The following TTBK2 variants were observed in gnomAD, a reference collection of about 807,000 sequenced individuals.
TTBK2 encodes tau-tubulin kinase 2.
In TTBK2, 28 loss-of-function variants were observed where a neutral mutation model predicts 110.8. The observed-to-expected ratio is 0.25, with a 90% CI of 0.19 to 0.35. The LOEUF (loss-of-function observed/expected upper bound fraction) is 0.35, where lower values mean the gene tolerates loss of function less well. TTBK2 is among the 10% of genes least tolerant of loss of function. The pLI, the probability that TTBK2 is intolerant of heterozygous loss-of-function variation, is 1.00. For synonymous variants in TTBK2, 532 were observed against 527.3 expected, an observed-to-expected ratio of 1.01 and a Z score of -0.12; for missense variants, 1,369 against 1,500.3, an observed-to-expected ratio of 0.91 and a Z score of 1.45.
chr15:42,777,718 A>T (rs956288909), intron 11 of TTBK2, among the ~76,000 whole-genome samples: 1 of 152,234 alleles, frequency 6.6e-6, no homozygotes, highest in Non-Finnish European at 1.5e-5. Context: ...ACTACTAAGG[A>T]GCTGAGGCAG....
At chr15:42,813,567 G>A (rs919692685) in intron 7 of TTBK2, among the ~76,000 whole-genome samples, 1 of 151,808 alleles carries the variant, frequency 6.6e-6, no homozygotes, top group Non-Finnish European at 1.5e-5. Context: ...AATTAAGGCC[G>A]AGCGCAGTGG....
chr15:42,837,302 G>A (rs896430874), intron 4 of TTBK2, among the ~76,000 whole-genome samples: 3 of 150,104 alleles, frequency 2.0e-5, no homozygotes, highest in African/African-American at 4.9e-5. Context: ...AGGTTGCAGT[G>A]AGCTGAGATC....
In TTBK2 at chr15:42,830,780, C is replaced by T. The variant is rs562498003; in HGVS notation, c.292-702G>A. ...CAGCACTTTGGCAGGCTGAGGTGGG[C>T]GGATCATGAGGTCAGGAGATTGAGA... is the stretch of plus-strand genomic sequence containing the variant. On this transcript the variant is annotated intron_variant, in intron 4 of 14. Coordinates refer to ENST00000267890, the MANE Select transcript of TTBK2 (RefSeq NM_173500.4). Among the ~76,000 whole-genome samples the T allele has an allele frequency of 2.8e-3, 425 of 151,870 alleles. 1 individual carries two copies. The highest frequency in any genetic ancestry group is 7.4e-3 in the African/African-American group (306 of 41,446).
intron 4 of TTBK2, among the ~76,000 whole-genome samples, chr15:42,830,788 G>T (rs1231513234): frequency 6.6e-6 from 1 of 152,008 alleles, no homozygotes; most frequent in Admixed American, 6.6e-5. Flanking sequence ...GGCGGATCAT[G>T]AGGTCAGGAG....
intron 6 of TTBK2, among the ~76,000 whole-genome samples, chr15:42,821,475 TAA>T (rs1185747159): frequency 1.3e-5 from 2 of 152,214 alleles, no homozygotes; most frequent in Non-Finnish European, 2.9e-5. Flanking sequence ...TTGACTGACA[TAA>T]AGTCATATAA....
At chr15:42,771,099 G>A (rs566157614) in intron 13 of TTBK2, among the ~76,000 whole-genome samples, 13 of 151,778 alleles carry the variant, frequency 8.6e-5, no homozygotes, top group South Asian at 2.1e-4. Context: ...CTCAGCCTCC[G>A]GAGTAGCCGG....
At chr15:42,882,168 T>G (rs1240781715) in intron 1 of TTBK2, among the ~76,000 whole-genome samples, 2 of 151,478 alleles carry the variant, frequency 1.3e-5, no homozygotes, top group African/African-American at 4.9e-5. Flanking sequence ...ACAAATTTTG[T>G]GAAGGAAAAA....
intron 8 of TTBK2, 47 bp from the exon 9 acceptor site, chr15:42,810,786 T>C: frequency 6.2e-7 from 1 of 1,609,842 alleles, no homozygotes; most frequent in Non-Finnish European, 8.5e-7. Context: ...CTCTTGGTGG[T>C]TAGGCATTAA....
intron 14 of TTBK2, 59 bp downstream of exon 14, chr15:42,751,915 A>G: frequency 6.3e-7 from 1 of 1,597,156 alleles, no homozygotes; most frequent in Admixed American, 1.7e-5. Context: ...GTGGACTACA[A>G]TAAAGCAGAT....
intron 7 of TTBK2, 92 bp downstream of exon 7, chr15:42,816,939 TA>T: frequency 1.7e-6 from 1 of 589,420 alleles, no homozygotes; most frequent in Non-Finnish European, 2.3e-6. Flanking sequence ...CATATATATA[TA>T]TATATAAAAT....
intron 13 of TTBK2, among the ~76,000 whole-genome samples, chr15:42,765,275 T>G (rs566118850): frequency 1.3e-5 from 2 of 152,178 alleles, no homozygotes. Flanking sequence ...ATTTGATGAG[T>G]TGACAGAAGT....
At chr15:42,773,605 G>A (rs1160996796) in intron 13 of TTBK2, among the ~76,000 whole-genome samples, 5 of 152,138 alleles carry the variant, frequency 3.3e-5, no homozygotes, top group Non-Finnish European at 5.9e-5. Context: ...GGACAGCGTC[G>A]AGAGAGGGCA....
chr15:42,764,516 T>C (rs1889262669), intron 13 of TTBK2, among the ~76,000 whole-genome samples: 1 of 152,230 alleles, frequency 6.6e-6, no homozygotes, highest in Admixed American at 6.5e-5. Flanking sequence ...AGCGCAGCAG[T>C]CTGAGATCAA....
chr15:42,896,992 C>T (rs993784196), intron 1 of TTBK2, among the ~76,000 whole-genome samples: 4 of 151,816 alleles, frequency 2.6e-5, no homozygotes, highest in Non-Finnish European at 5.9e-5. Context: ...GATTCTCCTG[C>T]CTCAGCCTCC....
At position 42,790,573 on chromosome 15, in the gene TTBK2, A is replaced by G. The variant is rs148036082; in HGVS notation, c.980+4071T>C. On this transcript the variant is annotated intron_variant, in intron 10 of 14. Transcript: ENST00000267890. ...AGTGCTGGAATTACAGGCATGAGCC[A>G]CTGTGCCTGGCCCGTACTTTAATTT... is the stretch of plus-strand genomic sequence containing the variant. 2.1e-3 allele frequency among the ~76,000 whole-genome samples: 323 copies of G among 152,250 alleles called. 2 individuals carry two copies. Among genetic ancestry groups the G allele is most frequent in the African/African-American group, 7.3e-3 (304 of 41,554 alleles).
At chr15:42,890,341 T>C (rs28407836) in intron 1 of TTBK2, among the ~76,000 whole-genome samples, 64,448 of 152,146 alleles carry the variant, frequency 0.42, 16,554 homozygotes, top group African/African-American at 0.73. Context: ...CCTCTTCATA[T>C]GGACATGAGA....
rs1890869694 is a variant in TTBK2, at chr15:42,794,950, A to G, written c.823-149T>C. 5 of 879,960 alleles carry G rather than the reference A, an allele frequency of 5.7e-6. No homozygotes were observed. The South Asian group carries it at 5.8e-5, about 10-fold the overall frequency. The allele number at this position is 879,960 out of a possible 1,614,324, so 54.5% of individuals were successfully genotyped here. ...CTCAAATTGCGAAATTTGAATAGGAACTATATGTAGATGATGATAGTGAAT... is the reference window on the plus strand; with the variant it reads ...CTCAAATTGCGAAATTTGAATAGGAGCTATATGTAGATGATGATAGTGAAT... On this transcript the variant is annotated intron_variant, in intron 9 of 14. Transcript: ENST00000267890.
At chr15:42,884,524 T>C (rs1232147234) in intron 1 of TTBK2, among the ~76,000 whole-genome samples, 1 of 152,124 alleles carries the variant, frequency 6.6e-6, no homozygotes, top group Non-Finnish European at 1.5e-5. Context: ...TTCAACCACA[T>C]CTGGGATTTT....
chr15:42,901,671 GA>G (rs1465944333), intron 1 of TTBK2, among the ~76,000 whole-genome samples: 3 of 147,794 alleles, frequency 2.0e-5, no homozygotes, highest in African/African-American at 7.4e-5. Context: ...GTGCATCAAA[GA>G]ATACTATCAA....
Sources: gnomAD v4.1 joint callset for allele counts (sites outside exome capture counted in the v4.1 genomes callset) on GRCh38, gnomAD v4.1.1 for gene constraint, MANE v1.5 for transcripts, NCBI Gene and HGNC (gene_info 2026-07-23, HGNC 2026-07-21) for gene names.